Variants in PMM2 observed in about 807,000 individuals in gnomAD.
PMM2 encodes the protein mannose-6-phosphate isomerase.
A neutral mutation model predicts 33.2 loss-of-function variants in PMM2; 35 were observed. That is an observed-to-expected ratio of 1.06 (90% CI 0.81 to 1.40). PMM2 has a LOEUF of 1.40. PMM2 is among the 40% of genes most tolerant of loss of function. PMM2 has a pLI of 0.00. For missense variants in PMM2, 386 were observed against 306.0 expected, an observed-to-expected ratio of 1.26 and a Z score of -1.95; for synonymous variants, 153 against 114.7, an observed-to-expected ratio of 1.33 and a Z score of -2.13.
At chr16:8,815,008 C>T (rs766968500) in intron 7 of PMM2, among the ~76,000 whole-genome samples, 2 of 152,014 alleles carry the variant, frequency 1.3e-5, no homozygotes, top group African/African-American at 4.8e-5. Context: ...CCGCCCCGTC[C>T]CTGGCAACCA....
At chr16:8,831,439 A>T (rs984038717) in intron 7 of PMM2, among the ~76,000 whole-genome samples, 1 of 152,238 alleles carries the variant, frequency 6.6e-6, no homozygotes, top group African/African-American at 2.4e-5. Context: ...CAGGAGGCTG[A>T]GGTGGGAGGA....
At chr16:8,839,304 G>T (rs937789323) in intron 7 of PMM2, among the ~76,000 whole-genome samples, 4 of 151,968 alleles carry the variant, frequency 2.6e-5, no homozygotes, top group African/African-American at 4.8e-5. Context: ...AGGAAGAAGA[G>T]ACCTTGTGCG....
At chr16:8,837,674 A>G (rs2060859634) in intron 7 of PMM2, among the ~76,000 whole-genome samples, 1 of 151,930 alleles carries the variant, frequency 6.6e-6, no homozygotes, top group Non-Finnish European at 1.5e-5. Flanking sequence ...CCCCTCCCCT[A>G]GAAAAGCAGA....
chr16:8,845,335 A>G (rs1449589854), intron 7 of PMM2, among the ~76,000 whole-genome samples: 1 of 152,172 alleles, frequency 6.6e-6, no homozygotes, highest in Non-Finnish European at 1.5e-5. Flanking sequence ...ACAATGGTGG[A>G]ATGTCATCAG....
chr16:8,805,267 C>T (rs2060640723), intron 3 of PMM2, among the ~76,000 whole-genome samples: 1 of 152,042 alleles, frequency 6.6e-6, no homozygotes, highest in Non-Finnish European at 1.5e-5. Context: ...AGGGTTTCAC[C>T]ATGTTGGCCA....
intron 7 of PMM2, among the ~76,000 whole-genome samples, chr16:8,817,883 A>G (rs2008067): frequency 0.034 from 5,045 of 150,492 alleles, 155 homozygotes; most frequent in African/African-American, 0.084. Flanking sequence ...TTATCATATT[A>G]GTGAATATTC....
intron 3 of PMM2, among the ~76,000 whole-genome samples, chr16:8,805,143 C>T (rs201562188): frequency 6.6e-6 from 1 of 152,132 alleles, no homozygotes; most frequent in Non-Finnish European, 1.5e-5. Flanking sequence ...CTACAACCTC[C>T]GCCTACCTCC....
intron 7 of PMM2, among the ~76,000 whole-genome samples, chr16:8,841,129 C>T (rs576010842): frequency 0.039 from 5,886 of 149,958 alleles, 194 homozygotes; most frequent in Middle Eastern, 0.11. Flanking sequence ...TGATGTGTAC[C>T]TTTAAAAGAC....
intron 7 of PMM2, among the ~76,000 whole-genome samples, chr16:8,821,000 G>A (rs2060736253): frequency 5.9e-5 from 2 of 33,712 alleles, no homozygotes; most frequent in African/African-American, 1.2e-4. Flanking sequence ...TGGCCTTTGC[G>A]ATCCTGGACT....
intron 7 of PMM2, among the ~76,000 whole-genome samples, chr16:8,821,670 G>T (rs890891863): frequency 6.6e-6 from 1 of 152,194 alleles, no homozygotes; most frequent in Non-Finnish European, 1.5e-5. Context: ...GCCGTCAACA[G>T]ACCCAAGGGT....
chr16:8,845,526 G>A (rs969724005), intron 7 of PMM2, among the ~76,000 whole-genome samples: 7 of 152,092 alleles, frequency 4.6e-5, no homozygotes, highest in African/African-American at 1.4e-4. Context: ...TCACTGAGGC[G>A]GGGAGGGTGT....
At chr16:8,832,673 G>C (rs1001436489) in intron 7 of PMM2, 2 of 985,336 alleles carry the variant, frequency 2.0e-6, no homozygotes, top group Non-Finnish European at 2.4e-6. Context: ...TCCTCACCCC[G>C]CACCCGTTCT....
At chr16:8,832,429 C>T in intron 7 of PMM2, 10 of 985,414 alleles carry the variant, frequency 1.0e-5, no homozygotes, top group Non-Finnish European at 1.2e-5. Flanking sequence ...ACACAGATCA[C>T]TCAGATTCCA....
At chr16:8,823,277 A>G (rs1324565928) in intron 7 of PMM2, among the ~76,000 whole-genome samples, 3 of 152,306 alleles carry the variant, frequency 2.0e-5, no homozygotes, top group Middle Eastern at 3.4e-3. Flanking sequence ...GGTAGTAGCA[A>G]TTTAATTGAG....
chr16:8,808,306 GATAAAATAT>G (rs1446325573), intron 4 of PMM2: 2 of 151,314 alleles, frequency 1.3e-5, no homozygotes, highest in Non-Finnish European at 2.9e-5. Context: ...ATGGCGAAAA[GATAAAATAT>G]ACAAATATCC....
At chr16:8,804,911 G>T in intron 3 of PMM2, 68 bp downstream of exon 3, 1 of 956,096 alleles carries the variant, frequency 1.0e-6, no homozygotes, top group South Asian at 1.3e-5. Flanking sequence ...ATTTCACAAT[G>T]AATGCCTCTA....
chr16:8,816,620 C>T (rs1038333412), intron 7 of PMM2, among the ~76,000 whole-genome samples: 1 of 151,834 alleles, frequency 6.6e-6, no homozygotes, highest in Non-Finnish European at 1.5e-5. Context: ...GCACACCTGT[C>T]ATCCCAGCTA....
intron 2 of PMM2, chr16:8,802,121 T>C (rs1255768602): frequency 3.6e-6 from 2 of 551,888 alleles, no homozygotes; most frequent in Non-Finnish European, 6.9e-6. Flanking sequence ...GGTACTCAGA[T>C]GTGTGAGTAG....
intron 7 of PMM2, among the ~76,000 whole-genome samples, chr16:8,840,833 C>G (rs949358987): frequency 6.6e-6 from 1 of 151,958 alleles, no homozygotes; most frequent in African/African-American, 2.4e-5. Context: ...TTAACAAGAA[C>G]TGATCGTCCA....
Sources: gnomAD v4.1 joint callset for allele counts (sites outside exome capture counted in the v4.1 genomes callset) on GRCh38, gnomAD v4.1.1 for gene constraint, MANE v1.5 for transcripts, NCBI Gene and HGNC (gene_info 2026-07-23, HGNC 2026-07-21) for gene names.